CFHR5: variants seen among roughly 807,000 people sequenced by gnomAD.
The protein encoded by CFHR5 is complement factor H-related protein 5.
CFHR5 carries 73 observed loss-of-function variants against 62.9 expected under a neutral mutation model. The observed-to-expected ratio is 1.16, with a 90% CI of 0.96 to 1.41. The LOEUF (loss-of-function observed/expected upper bound fraction) is 1.41. Among genes scored for constraint, CFHR5 ranks in the 40% most tolerant of loss-of-function variants. The pLI, the probability that CFHR5 is intolerant of heterozygous loss-of-function variation, is 0.00. For missense variants in CFHR5, 779 were observed against 679.9 expected (o/e 1.15, Z -1.62); for synonymous variants, 249 against 227.2 (o/e 1.10, Z -0.86).
At chr1:196,983,154 G>T in intron 2 of CFHR5, 75 bp downstream of exon 2, 1 of 1,592,094 alleles carries the variant, frequency 6.3e-7, no homozygotes, top group South Asian at 1.1e-5. Context: ...AGATCATAAG[G>T]TCTTGATAAT....
intron 7 of CFHR5, among the ~76,000 whole-genome samples, chr1:197,000,134 G>A (rs1654109151): frequency 6.6e-6 from 1 of 151,796 alleles, no homozygotes; most frequent in South Asian, 2.1e-4. Context: ...TAAATTACAA[G>A]CATAAAGAGA....
rs1156536049 is a variant in CFHR5, at chr1:196,982,870, T to C, written c.59-15T>C. 1.9e-6 allele frequency: 3 copies of C among 1,606,234 alleles called. No homozygotes were observed. The Admixed American group carries it at 5.0e-5, about 27-fold the overall frequency. ...CTCTTTATTTAATTCTTCAGTTTTG[T>C]GTTATTTTTCCCAGGAACACTTTGT... On this transcript the variant is annotated splice_polypyrimidine_tract_variant and intron_variant, in intron 1 of 9. Transcript: ENST00000256785.
Position 196,994,156 on chromosome 1 carries a change from C to T in CFHR5, c.507C>T (p.Asp169=), listed in dbSNP as rs34533956. The stretch of plus-strand genomic sequence containing the variant: ...AAAAAGAAAGCTACAAAGTTGGAGA[C>T]GTGTTGAAATTCTCCTGCAGAAAAA... ...QPKKESYKVG[D]VLKFSCRKNL... Residue 169 remains aspartate, a synonymous_variant, in exon 4 of 10, where the codon GAC becomes GAT. Transcript: ENST00000256785. The T allele has an allele frequency of 3.2e-3, 5,140 of 1,612,994 alleles. 94 individuals carry two copies. The African/African-American group carries it at 0.047, about 15-fold the overall frequency.
chr1:196,987,836 T>G (rs1418896176), intron 3 of CFHR5, among the ~76,000 whole-genome samples: 1 of 152,202 alleles, frequency 6.6e-6, no homozygotes, highest in Non-Finnish European at 1.5e-5. Context: ...TGCTTAGGAT[T>G]GTCTTGGCAA....
At chr1:196,996,234 T>C (rs770349210) in intron 6 of CFHR5, 33 bp downstream of exon 6, 1 of 1,514,852 alleles carries the variant, frequency 6.6e-7, no homozygotes, top group Non-Finnish European at 9.2e-7. Context: ...TATATTTGAT[T>C]ATTTATCATT....
intron 9 of CFHR5, among the ~76,000 whole-genome samples, chr1:197,006,117 G>A (rs75538232): frequency 0.021 from 3,171 of 152,044 alleles, 113 homozygotes; most frequent in African/African-American, 0.07. Flanking sequence ...TTTAAAATTC[G>A]CAGAAATTAT....
chr1:197,004,343 G>A (rs1257472981), intron 8 of CFHR5, among the ~76,000 whole-genome samples: 4 of 152,102 alleles, frequency 2.6e-5, no homozygotes, highest in African/African-American at 9.7e-5. Context: ...ACTAGAAACA[G>A]TAAGAAAGTT....
At chr1:197,006,563 TAGAC>T (rs1654294433) in intron 9 of CFHR5, among the ~76,000 whole-genome samples, 1 of 151,302 alleles carries the variant, frequency 6.6e-6, no homozygotes, top group Admixed American at 6.6e-5. Context: ...AATACAAAAT[TAGAC>T]AGGCATGGGT....
At position 196,980,628 on chromosome 1, in the gene CFHR5, G is replaced by C. The variant is rs191529578; in HGVS notation, c.59-2257G>C. On this transcript the variant is annotated intron_variant, in intron 1 of 9. Transcript: ENST00000256785. The stretch of plus-strand genomic sequence containing the variant: ...TGTGTGTGTGTGTGTGTGTGTGTGT[G>C]TATCCCAGAAGAAATATATTCACAG... Among the ~76,000 whole-genome samples, 1,028 of 142,566 alleles carry C rather than the reference G, an allele frequency of 7.2e-3. 10 individuals are homozygous for C. Among genetic ancestry groups the C allele is most frequent in the African/African-American group, 0.023 (882 of 38,134 alleles). 93.5% of individuals were successfully genotyped at this position (142,566 alleles called of 152,430 possible). A position where few individuals can be genotyped will look rare whatever the true frequency, so the allele number is the denominator to read the frequency against.
upstream of CFHR5, among the ~76,000 whole-genome samples, chr1:196,976,799 C>CTTTTTTTTTTTTTTTTTT (rs10588279): frequency 1.7e-4 from 17 of 98,140 alleles, no homozygotes; most frequent in African/African-American, 7.9e-4. Context: ...AAAAATTATT[C>CTTTTTTTTTTTTTTTTTT]TTTTTTTTTT....
chr1:196,995,227 C>T (rs990471750), intron 4 of CFHR5, among the ~76,000 whole-genome samples: 15 of 151,876 alleles, frequency 9.9e-5, no homozygotes, highest in African/African-American at 3.6e-4. Flanking sequence ...AATAAACAGC[C>T]TACAAAATAT....
At chr1:196,994,544 A>T (rs1653938915) in intron 4 of CFHR5, among the ~76,000 whole-genome samples, 1 of 152,210 alleles carries the variant, frequency 6.6e-6, no homozygotes, top group African/African-American at 2.4e-5. Flanking sequence ...TCAATAAAAA[A>T]TTTATACTTT....
At chr1:196,983,607 T>C (rs980477209) in intron 2 of CFHR5, among the ~76,000 whole-genome samples, 66 of 152,074 alleles carry the variant, frequency 4.3e-4, no homozygotes, top group African/African-American at 1.5e-3. Flanking sequence ...GGAGAGAGAA[T>C]AGATGAGGCA....
At chr1:197,005,836 AC>A (rs886639835) in intron 9 of CFHR5, among the ~76,000 whole-genome samples, 5 of 151,984 alleles carry the variant, frequency 3.3e-5, no homozygotes, top group Admixed American at 3.3e-4. Flanking sequence ...GTAACAAATT[AC>A]CCCAATGCCA....
chr1:196,983,021 C>T lies in CFHR5; in HGVS notation c.195C>T (p.Ser65=). Residue 65 remains serine, a synonymous_variant, in exon 2 of 10, where the codon TCC becomes TCT. Coordinates refer to ENST00000256785, the MANE Select transcript of CFHR5 (RefSeq NM_030787.4). The stretch of plus-strand genomic sequence containing the variant: ...ATAATTTTGTGTCTCCTTCAAAATC[C>T]TTTTGGACTCGCATAACATGCACAG... ...CEYNFVSPSK[S]FWTRITCTEE... is the part of the protein sequence containing the mutation. 2 of 1,613,990 alleles carry T rather than the reference C, an allele frequency of 1.2e-6. No homozygotes were observed. Among genetic ancestry groups the T allele is most frequent in the Non-Finnish European group, 1.7e-6 (2 of 1,180,008 alleles).
intron 6 of CFHR5, 71 bp downstream of exon 6, chr1:196,996,272 A>G: frequency 8.0e-7 from 1 of 1,252,888 alleles, no homozygotes; most frequent in Non-Finnish European, 1.2e-6. Flanking sequence ...AAGTGTATAA[A>G]TCTGGCTAGA....
chr1:197,004,856 T>C lies in CFHR5; in HGVS notation c.1513+13T>C. The C allele has an allele frequency of 1.3e-6, 2 of 1,585,772 alleles. No individual in the cohort carries two copies. The highest frequency in any genetic ancestry group is 1.7e-6 in the Non-Finnish European group (2 of 1,154,330). ...CCAAGATGCCTAGGTGAGTTCTTAA[T>C]ATTCTCTTGGAATCTGAGATTTAAT... On this transcript the variant is annotated intron_variant, in intron 9 of 9. Transcript: ENST00000256785.
At chr1:196,991,515 G>T (rs1653846850) in intron 3 of CFHR5, among the ~76,000 whole-genome samples, 1 of 152,068 alleles carries the variant, frequency 6.6e-6, no homozygotes, top group African/African-American at 2.4e-5. Context: ...ATCTACCTTT[G>T]GTCTTTGATG....
intron 7 of CFHR5, among the ~76,000 whole-genome samples, chr1:196,999,418 C>G (rs140709595): frequency 9.9e-5 from 15 of 151,566 alleles, no homozygotes; most frequent in Non-Finnish European, 1.9e-4. Context: ...ATTCTCACAA[C>G]TTCAAATATT....
Sources: gnomAD v4.1 joint callset for allele counts (sites outside exome capture counted in the v4.1 genomes callset) on GRCh38, gnomAD v4.1.1 for gene constraint, MANE v1.5 for transcripts, NCBI Gene and HGNC (gene_info 2026-07-23, HGNC 2026-07-21) for gene names.